FAM168A: variants seen among roughly 807,000 people sequenced by gnomAD.
The protein encoded by FAM168A is protein FAM168A.
Under a neutral mutation model 28.5 loss-of-function variants are expected in FAM168A, and 3 were observed. The ratio of observed to expected loss-of-function variants is 0.11; its 90% CI spans 0.05 to 0.27. The LOEUF (loss-of-function observed/expected upper bound fraction) is 0.27, where lower values mean the gene tolerates loss of function less well. Among genes scored for constraint, FAM168A ranks in the 10% least tolerant of loss-of-function variants. The pLI, the probability that FAM168A is intolerant of heterozygous loss-of-function variation, is 1.00. For missense variants in FAM168A, 222 were observed against 311.5 expected, an observed-to-expected ratio of 0.71 and a Z score of 2.16; for synonymous variants, 122 against 124.2, an observed-to-expected ratio of 0.98 and a Z score of 0.12.
Position 73,460,772 on chromosome 11 carries a change from G to A in FAM168A, c.70+7633C>T, listed in dbSNP as rs1262386832. ...ACCCACCTCGGCCTTCCAAAGTGCT[G>A]GGATTACAGGCGTGAGCCACTGTGC... On this transcript the variant is annotated intron_variant, in intron 2 of 7. Transcript: ENST00000356467. Among the ~76,000 whole-genome samples the A allele has an allele frequency of 2.0e-5, 3 of 152,262 alleles. No homozygotes were observed. The East Asian group carries it at 5.8e-4, about 29-fold the overall frequency.
At chr11:73,550,863 C>T (rs556333980) in intron 1 of FAM168A, among the ~76,000 whole-genome samples, 1 of 152,032 alleles carries the variant, frequency 6.6e-6, no homozygotes, top group South Asian at 2.1e-4. Flanking sequence ...AATTCCAGCA[C>T]TTTGGGAGGC....
At position 73,510,068 on chromosome 11, in the gene FAM168A, G is replaced by A. The variant is rs550457496; in HGVS notation, c.-18-41576C>T. On this transcript the variant is annotated intron_variant, in intron 1 of 7. Coordinates refer to ENST00000356467, the MANE Select transcript of FAM168A (RefSeq NM_015159.3). ...CTCACTGCCTCCAGAGCTCTGCTCC[G>A]TCTGTTTCTCCCCCATGAAAATCAT... Among the ~76,000 whole-genome samples the A allele has an allele frequency of 9.2e-5, 14 of 152,144 alleles. 1 individual carries two copies. The South Asian group carries it at 1.9e-3, about 20-fold the overall frequency.
At chr11:73,542,795 A>G (rs1943673966) in intron 1 of FAM168A, among the ~76,000 whole-genome samples, 1 of 152,194 alleles carries the variant, frequency 6.6e-6, no homozygotes, top group Non-Finnish European at 1.5e-5. Flanking sequence ...ATTAAATTTT[A>G]GCATCAACAT....
At chr11:73,531,795 A>AGTGATACTT (rs1335816763) in intron 1 of FAM168A, among the ~76,000 whole-genome samples, 8 of 147,500 alleles carry the variant, frequency 5.4e-5, no homozygotes, top group Non-Finnish European at 8.9e-5. Flanking sequence ...GCACAGACCA[A>AGTGATACTT]GTATCACTTT....
chr11:73,431,338 T>A (rs1450505052), intron 2 of FAM168A, among the ~76,000 whole-genome samples: 4 of 151,684 alleles, frequency 2.6e-5, no homozygotes, highest in African/African-American at 7.3e-5. Flanking sequence ...CAAGACTCCA[T>A]CCGCTGCCCC....
chr11:73,405,110 T>A lies in FAM168A; in HGVS notation c.*1653A>T, dbSNP rs892919047. On this transcript the variant is annotated 3_prime_UTR_variant, in exon 8 of 8. Coordinates refer to ENST00000356467, the MANE Select transcript of FAM168A (RefSeq NM_015159.3). Reference sequence around the variant, plus strand: ...GATGACTCCCACTGTCTTCCTCCTCTTCCTCTCCTCTCGGGATGAGGGGCT... The same window carrying A: ...GATGACTCCCACTGTCTTCCTCCTCATCCTCTCCTCTCGGGATGAGGGGCT... The A allele has an allele frequency of 6.6e-6, 1 of 152,288 alleles. No homozygotes were observed. The highest frequency in any genetic ancestry group is 2.4e-5 in the African/African-American group (1 of 41,446). 9.4% of individuals were successfully genotyped at this position (152,288 alleles called of 1,614,324 possible).
intron 2 of FAM168A, among the ~76,000 whole-genome samples, chr11:73,444,820 T>C (rs1466559830): frequency 1.3e-5 from 2 of 152,212 alleles, no homozygotes; most frequent in African/African-American, 4.8e-5. Flanking sequence ...AAACAATGTA[T>C]GTATGTTCAT....
intron 1 of FAM168A, among the ~76,000 whole-genome samples, chr11:73,469,297 C>T (rs966677050): frequency 2.6e-5 from 4 of 152,144 alleles, no homozygotes; most frequent in Non-Finnish European, 5.9e-5. Context: ...GGGAGCCTTT[C>T]CTTACTATAT....
chr11:73,438,948 C>T lies in FAM168A; in HGVS notation c.71-8178G>A, dbSNP rs573414020. On this transcript the variant is annotated intron_variant, in intron 2 of 7. Coordinates refer to ENST00000356467, the MANE Select transcript of FAM168A (RefSeq NM_015159.3). ...GCAGGGTTTGCAAGTACTATCCCCC[C>T]GCCTCACCCCCCCTTCTTTTCTTTG... 1.1e-4 allele frequency among the ~76,000 whole-genome samples: 17 copies of T among 151,660 alleles called. No individual in the cohort carries two copies. The South Asian group carries it at 2.7e-3, about 24-fold the overall frequency.
intron 2 of FAM168A, among the ~76,000 whole-genome samples, chr11:73,441,814 C>T (rs1867200678): frequency 6.6e-6 from 1 of 152,180 alleles, no homozygotes; most frequent in African/African-American, 2.4e-5. Flanking sequence ...CACGGTCTTA[C>T]CTCATATTCC....
chr11:73,455,618 G>A (rs1213983817), intron 2 of FAM168A, among the ~76,000 whole-genome samples: 3 of 152,154 alleles, frequency 2.0e-5, no homozygotes, highest in Non-Finnish European at 2.9e-5. Flanking sequence ...GAGAGTCTAT[G>A]GAGGTACCAT....
chr11:73,518,980 G>A (rs991874847), intron 1 of FAM168A, among the ~76,000 whole-genome samples: 9 of 152,162 alleles, frequency 5.9e-5, no homozygotes, highest in Middle Eastern at 3.2e-3. Context: ...AGTGGAAGCA[G>A]CCTGAAGCCC....
At chr11:73,534,841 G>C (rs918392354) in intron 1 of FAM168A, among the ~76,000 whole-genome samples, 3 of 152,172 alleles carry the variant, frequency 2.0e-5, no homozygotes, top group African/African-American at 7.2e-5. Flanking sequence ...CCTCTGGAGA[G>C]AGTAAAACAG....
intron 1 of FAM168A, among the ~76,000 whole-genome samples, chr11:73,515,973 T>G (rs545525541): frequency 6.8e-4 from 104 of 152,098 alleles, no homozygotes; most frequent in African/African-American, 2.5e-3. Context: ...TGGTGGCATA[T>G]GCCTGTAATC....
chr11:73,538,674 C>T (rs1943613499), intron 1 of FAM168A, among the ~76,000 whole-genome samples: 1 of 152,192 alleles, frequency 6.6e-6, no homozygotes, highest in Non-Finnish European at 1.5e-5. Flanking sequence ...AAGCAGATGG[C>T]TTGTCAAAGA....
intron 1 of FAM168A, among the ~76,000 whole-genome samples, chr11:73,570,164 T>A (rs974517302): frequency 6.6e-6 from 1 of 152,176 alleles, no homozygotes; most frequent in African/African-American, 2.4e-5. Context: ...AGCTCTGAAA[T>A]CAGATTGCTT....
chr11:73,453,150 A>C (rs2134550108), intron 2 of FAM168A, among the ~76,000 whole-genome samples: 1 of 152,372 alleles, frequency 6.6e-6, no homozygotes, highest in Admixed American at 6.5e-5. Flanking sequence ...TAGCAGGTAC[A>C]CTTTGGTAGA....
chr11:73,477,824 C>T lies in FAM168A; in HGVS notation c.-18-9332G>A, dbSNP rs191692900. Reference sequence around the variant, plus strand: ...CTAGCAACCTGCCTTTCAAAAAATACTAAAGAAATACTAAATATTTATGAC... The same window carrying T: ...CTAGCAACCTGCCTTTCAAAAAATATTAAAGAAATACTAAATATTTATGAC... On this transcript the variant is annotated intron_variant, in intron 1 of 7. Coordinates refer to ENST00000356467, the MANE Select transcript of FAM168A (RefSeq NM_015159.3). Among the ~76,000 whole-genome samples, 59 of 151,916 alleles carry T rather than the reference C, an allele frequency of 3.9e-4. 1 individual carries two copies. Among genetic ancestry groups the T allele is most frequent in the Admixed American group, 3.7e-3 (56 of 15,260 alleles).
At chr11:73,559,390 T>C (rs1244395856) in intron 1 of FAM168A, among the ~76,000 whole-genome samples, 2 of 151,562 alleles carry the variant, frequency 1.3e-5, no homozygotes, top group Admixed American at 6.6e-5. Flanking sequence ...TGGGCAACAC[T>C]GGCAGTGACC....
Sources: allele counts gnomAD v4.1 joint callset (sites outside exome capture counted in the v4.1 genomes callset), GRCh38; gene constraint gnomAD v4.1.1; transcripts MANE v1.5; gene names NCBI Gene and HGNC (gene_info 2026-07-23, HGNC 2026-07-21).